Variants in CTNNBL1 observed in about 807,000 individuals in gnomAD.
CTNNBL1 encodes the protein catenin beta like 1.
A neutral mutation model predicts 72.7 loss-of-function variants in CTNNBL1; 31 were observed. The observed-to-expected ratio is 0.43, with a 90% CI of 0.32 to 0.58. The LOEUF is 0.58. Among genes scored for constraint, CTNNBL1 ranks in the 20% least tolerant of loss-of-function variants. The pLI is 0.08. For synonymous variants in CTNNBL1, 240 were observed against 267.3 expected, an observed-to-expected ratio of 0.90 and a Z score of 1.00; for missense variants, 534 against 725.1, an observed-to-expected ratio of 0.74 and a Z score of 3.03.
chr20:37,732,496 G>C (rs1568755473), intron 1 of CTNNBL1, among the ~76,000 whole-genome samples: 1 of 152,098 alleles, frequency 6.6e-6, no homozygotes, highest in Non-Finnish European at 1.5e-5. Flanking sequence ...GTATACATAG[G>C]AACTTTTGTG....
At chr20:37,850,100 T>C (rs2072383508) in intron 13 of CTNNBL1, among the ~76,000 whole-genome samples, 1 of 152,234 alleles carries the variant, frequency 6.6e-6, no homozygotes, top group South Asian at 2.1e-4. Flanking sequence ...CCAGTAGGGT[T>C]GTCGTTTTCA....
chr20:37,864,725 C>T (rs1049585614), intron 15 of CTNNBL1, among the ~76,000 whole-genome samples: 14 of 152,248 alleles, frequency 9.2e-5, no homozygotes, highest in Non-Finnish European at 4.4e-5. Flanking sequence ...AGAACAGCAG[C>T]AGACTTACTG....
intron 13 of CTNNBL1, among the ~76,000 whole-genome samples, chr20:37,846,442 G>C (rs2072348115): frequency 6.6e-6 from 1 of 152,128 alleles, no homozygotes; most frequent in African/African-American, 2.4e-5. Flanking sequence ...TTTCTGGATG[G>C]TGTTTGTTTT....
intron 11 of CTNNBL1, among the ~76,000 whole-genome samples, chr20:37,821,398 AAAAT>A (rs1168254625): frequency 6.6e-6 from 1 of 152,224 alleles, no homozygotes; most frequent in Non-Finnish European, 1.5e-5. Context: ...TCAAAAGGAA[AAAAT>A]AAATCTTTTT....
intron 5 of CTNNBL1, among the ~76,000 whole-genome samples, chr20:37,759,726 T>G (rs2073398065): frequency 6.6e-6 from 1 of 152,226 alleles, no homozygotes; most frequent in South Asian, 2.1e-4. Context: ...TGGACTCCAG[T>G]AGATTATTTG....
rs779549885 is a variant in CTNNBL1 at position 37,842,428 on chromosome 20, C to A, written c.1392+9C>A. Reference sequence around the variant, plus strand: ...TTGAAGGGGAAAAACACGTATGTATCCCTGCCTCACTTTTGCCAGCTATTG... The same window carrying A: ...TTGAAGGGGAAAAACACGTATGTATACCTGCCTCACTTTTGCCAGCTATTG... On this transcript the variant is annotated intron_variant, in intron 13 of 15. Coordinates refer to ENST00000361383, the MANE Select transcript of CTNNBL1 (RefSeq NM_030877.5). 6.2e-7 allele frequency: 1 copy of A among 1,604,426 alleles called. No individual in the cohort carries two copies. Among genetic ancestry groups the A allele is most frequent in the South Asian group, 1.1e-5 (1 of 90,880 alleles).
chr20:37,802,292 T>G (rs993075639), intron 10 of CTNNBL1, among the ~76,000 whole-genome samples: 9 of 152,232 alleles, frequency 5.9e-5, no homozygotes, highest in African/African-American at 1.7e-4. Context: ...ATGAAATGTC[T>G]AGAATAGGCA....
At chr20:37,722,743 C>CT in intron 1 of CTNNBL1, among the ~76,000 whole-genome samples, 1 of 152,088 alleles carries the variant, frequency 6.6e-6, no homozygotes, top group Non-Finnish European at 1.5e-5. Flanking sequence ...GGTCATGTGG[C>CT]TCTTAAGTGA....
intron 13 of CTNNBL1, among the ~76,000 whole-genome samples, chr20:37,843,420 C>T (rs572341150): frequency 6.6e-6 from 1 of 152,332 alleles, no homozygotes; most frequent in South Asian, 2.1e-4. Flanking sequence ...CTGGGAATTA[C>T]ACCAGCATTT....
chr20:37,749,145 C>T (rs2073294845), intron 4 of CTNNBL1, among the ~76,000 whole-genome samples: 2 of 152,176 alleles, frequency 1.3e-5, no homozygotes, highest in Non-Finnish European at 2.9e-5. Flanking sequence ...GATTTTCAGT[C>T]CGGTGTTCCT....
At position 37,701,761 on chromosome 20, in the gene CTNNBL1, G is replaced by A. The variant is rs535216540; in HGVS notation, c.30+7609G>A. 8.5e-5 allele frequency among the ~76,000 whole-genome samples: 13 copies of A among 152,110 alleles called. No homozygotes were observed. The East Asian group carries it at 2.1e-3, about 25-fold the overall frequency. Reference sequence around the variant, plus strand: ...AATGGGTAAAAAGCAGGGAGTGGTCGGAGACGATGGGGGTCATCTCAGCTG... The same window carrying A: ...AATGGGTAAAAAGCAGGGAGTGGTCAGAGACGATGGGGGTCATCTCAGCTG... On this transcript the variant is annotated intron_variant, in intron 1 of 15. Coordinates refer to ENST00000361383, the MANE Select transcript of CTNNBL1 (RefSeq NM_030877.5).
chr20:37,843,626 C>T (rs1600523799), intron 13 of CTNNBL1, among the ~76,000 whole-genome samples: 2 of 152,250 alleles, frequency 1.3e-5, no homozygotes, highest in African/African-American at 4.8e-5. Context: ...ACTGACCAAC[C>T]TATCACTGCG....
intron 10 of CTNNBL1, among the ~76,000 whole-genome samples, chr20:37,780,508 G>T (rs993549463): frequency 6.6e-6 from 1 of 151,992 alleles, no homozygotes; most frequent in African/African-American, 2.4e-5. Flanking sequence ...CCACACATAG[G>T]ATTTTCTGTA....
At chr20:37,810,377 G>A (rs1309908200) in intron 11 of CTNNBL1, among the ~76,000 whole-genome samples, 3 of 152,190 alleles carry the variant, frequency 2.0e-5, no homozygotes, top group Non-Finnish European at 4.4e-5. Flanking sequence ...GCAAGAGCAA[G>A]ACTTGCTTCA....
intron 10 of CTNNBL1, among the ~76,000 whole-genome samples, chr20:37,794,819 A>G (rs2073757647): frequency 6.6e-6 from 1 of 152,078 alleles, no homozygotes; most frequent in Admixed American, 6.5e-5. Context: ...TCTTTGAAAT[A>G]TATTTTCACC....
At chr20:37,861,925 C>G (rs59013880) in intron 15 of CTNNBL1, among the ~76,000 whole-genome samples, 1,603 of 152,282 alleles carry the variant, frequency 0.011, 23 homozygotes, top group African/African-American at 0.037. Context: ...TTGAGCTGGT[C>G]TGAGAGGCTA....
At chr20:37,826,576 A>G (rs1265393472) in intron 11 of CTNNBL1, among the ~76,000 whole-genome samples, 1 of 152,242 alleles carries the variant, frequency 6.6e-6, no homozygotes, top group Non-Finnish European at 1.5e-5. Flanking sequence ...GTATCTCATC[A>G]TTCATATTCC....
intron 13 of CTNNBL1, among the ~76,000 whole-genome samples, chr20:37,851,202 C>T (rs2072394126): frequency 6.6e-6 from 1 of 152,208 alleles, no homozygotes. Flanking sequence ...GCTTATGCTG[C>T]TGCGAATTGC....
intron 11 of CTNNBL1, among the ~76,000 whole-genome samples, chr20:37,838,394 G>A (rs2072273233): frequency 6.6e-6 from 1 of 152,202 alleles, no homozygotes; most frequent in Admixed American, 6.5e-5. Flanking sequence ...GTAGTAGTCA[G>A]AAGAGGTGGG....
Sources: gnomAD v4.1 joint callset for allele counts (sites outside exome capture counted in the v4.1 genomes callset) on GRCh38, gnomAD v4.1.1 for gene constraint, MANE v1.5 for transcripts, NCBI Gene and HGNC (gene_info 2026-07-23, HGNC 2026-07-21) for gene names.